FBXW7: variants seen among roughly 807,000 people sequenced by gnomAD.
FBXW7 encodes the protein F-box/WD repeat-containing protein 7.
A neutral mutation model predicts 86.3 loss-of-function variants in FBXW7; 11 were observed. The observed-to-expected ratio is 0.13, with a 90% CI of 0.08 to 0.21. FBXW7 has a LOEUF of 0.21. Ranked by LOEUF, FBXW7 falls within the 10% of genes least tolerant of loss-of-function variation. FBXW7 has a pLI of 1.00. For missense variants in FBXW7, 488 were observed against 847.4 expected, an observed-to-expected ratio of 0.58 and a Z score of 5.27; for synonymous variants, 313 against 297.9, an observed-to-expected ratio of 1.05 and a Z score of -0.52.
intron 5 of FBXW7, among the ~76,000 whole-genome samples, chr4:152,348,182 G>C (rs1731451913): frequency 6.6e-6 from 1 of 150,790 alleles, no homozygotes; most frequent in Non-Finnish European, 1.5e-5. Context: ...GTTAAAAAAT[G>C]TATCTCAGTC....
At chr4:152,368,492 A>G (rs1733701308) in intron 4 of FBXW7, among the ~76,000 whole-genome samples, 1 of 152,048 alleles carries the variant, frequency 6.6e-6, no homozygotes, top group Non-Finnish European at 1.5e-5. Context: ...GTACTAAAGA[A>G]AGGTCTAATT....
chr4:152,480,706 T>A (rs1326953357), intron 2 of FBXW7, among the ~76,000 whole-genome samples: 1 of 152,192 alleles, frequency 6.6e-6, no homozygotes, highest in East Asian at 1.9e-4. Context: ...ACTGCTAATA[T>A]GGACAAAGGT....
At chr4:152,532,448 A>G (rs1750106825) in intron 2 of FBXW7, among the ~76,000 whole-genome samples, 1 of 152,212 alleles carries the variant, frequency 6.6e-6, no homozygotes, top group Admixed American at 6.5e-5. Flanking sequence ...GCTTCTTTGA[A>G]CTGTAATCAT....
At chr4:152,448,964 C>T (rs974139892) in intron 2 of FBXW7, among the ~76,000 whole-genome samples, 2 of 152,214 alleles carry the variant, frequency 1.3e-5, no homozygotes, top group Admixed American at 1.3e-4. Context: ...TTCAGCTCAG[C>T]CTATCCAACC....
chr4:152,493,536 G>A (rs1272344868), intron 2 of FBXW7, among the ~76,000 whole-genome samples: 3 of 152,094 alleles, frequency 2.0e-5, no homozygotes, highest in Non-Finnish European at 4.4e-5. Flanking sequence ...CAAAATTCAC[G>A]TGTTGAAGCC....
chr4:152,413,996 G>C (rs1738216600), intron 2 of FBXW7, among the ~76,000 whole-genome samples: 1 of 152,066 alleles, frequency 6.6e-6, no homozygotes, highest in African/African-American at 2.4e-5. Flanking sequence ...TGCAACCACT[G>C]AATTAACAAA....
At chr4:152,448,960 T>C (rs1741662548) in intron 2 of FBXW7, among the ~76,000 whole-genome samples, 1 of 152,212 alleles carries the variant, frequency 6.6e-6, no homozygotes, top group South Asian at 2.1e-4. Flanking sequence ...CTCCTTCAGC[T>C]CAGCCTATCC....
chr4:152,527,081 A>G (rs1749582901), intron 2 of FBXW7, among the ~76,000 whole-genome samples: 2 of 152,244 alleles, frequency 1.3e-5, no homozygotes, highest in African/African-American at 4.8e-5. Context: ...CAAATGCTAT[A>G]TGCCAGGCAC....
At position 152,379,649 on chromosome 4, in the gene FBXW7, T is replaced by C. The variant is rs569840395; in HGVS notation, c.502-29525A>G. Among the ~76,000 whole-genome samples, 15 of 152,186 alleles carry C rather than the reference T, an allele frequency of 9.9e-5. No homozygotes were observed. The South Asian group carries it at 2.9e-3, about 29-fold the overall frequency. ...TCCTCCTACCTTGGCCCCCAAAGTG[T>C]TGGGATTACAGGCGTGACCCACCAT... On this transcript the variant is annotated intron_variant, in intron 4 of 13. Coordinates refer to ENST00000281708, the MANE Select transcript of FBXW7 (RefSeq NM_001349798.2).
rs764317243 is a variant in FBXW7, at chr4:152,325,991, G to A, written c.1644+15C>T. 1.1e-5 allele frequency: 18 copies of A among 1,599,606 alleles called. No homozygotes were observed. The highest frequency in any genetic ancestry group is 1.7e-5 in the Admixed American group (1 of 59,844). On this transcript the variant is annotated intron_variant, in intron 12 of 13. Transcript: ENST00000281708. Reference sequence around the variant, plus strand: ...TCATCAGGAGAGCATTTAAGGGAGAGATAAGAGATCTTACCTGTAATGAAT... The same window carrying A: ...TCATCAGGAGAGCATTTAAGGGAGAAATAAGAGATCTTACCTGTAATGAAT...
intron 7 of FBXW7, 84 bp downstream of exon 7, chr4:152,337,718 T>C (rs1302990565): frequency 9.4e-6 from 13 of 1,381,030 alleles, no homozygotes; most frequent in Non-Finnish European, 1.2e-5. Context: ...ATACCATAAT[T>C]AGCATGACAA....
chr4:152,529,458 A>C (rs1561005607), intron 2 of FBXW7, among the ~76,000 whole-genome samples: 1 of 152,226 alleles, frequency 6.6e-6, no homozygotes, highest in Non-Finnish European at 1.5e-5. Context: ...AAACTAACTA[A>C]AAAGTGATCA....
intron 2 of FBXW7, among the ~76,000 whole-genome samples, chr4:152,496,562 C>T (rs774311928): frequency 6.8e-4 from 103 of 151,892 alleles, no homozygotes; most frequent in Admixed American, 1.6e-3. Flanking sequence ...CCTGTAATCC[C>T]AGCTACTGGG....
chr4:152,498,295 C>CA (rs11410930), intron 2 of FBXW7, among the ~76,000 whole-genome samples: 67,843 of 150,610 alleles, frequency 0.45, 16,360 homozygotes, highest in African/African-American at 0.63. Context: ...TTTGTCAAGG[C>CA]AAAAAAAAAC....
intron 2 of FBXW7, among the ~76,000 whole-genome samples, chr4:152,496,597 G>C (rs1207281087): frequency 6.6e-6 from 1 of 151,562 alleles, no homozygotes; most frequent in South Asian, 2.1e-4. Flanking sequence ...AAAATCACTC[G>C]AAACAGGGAG....
intron 4 of FBXW7, among the ~76,000 whole-genome samples, chr4:152,389,759 A>C (rs1023209834): frequency 6.6e-6 from 1 of 151,738 alleles, no homozygotes; most frequent in Non-Finnish European, 1.5e-5. Context: ...AATTTATACC[A>C]AAAAAAAGCA....
intron 2 of FBXW7, among the ~76,000 whole-genome samples, chr4:152,463,258 C>T (rs908308168): frequency 6.6e-5 from 10 of 151,692 alleles, no homozygotes; most frequent in Non-Finnish European, 1.0e-4. Context: ...CACTGCACTC[C>T]AGCCTGGGCG....
intron 4 of FBXW7, among the ~76,000 whole-genome samples, chr4:152,398,113 T>C (rs1282876800): frequency 6.6e-6 from 1 of 152,024 alleles, no homozygotes; most frequent in East Asian, 1.9e-4. Flanking sequence ...ACATATTATC[T>C]GACAGTGCAC....
intron 2 of FBXW7, among the ~76,000 whole-genome samples, chr4:152,442,000 A>G (rs1228345611): frequency 6.6e-6 from 1 of 152,220 alleles, no homozygotes; most frequent in East Asian, 1.9e-4. Flanking sequence ...AGAAAAAAGT[A>G]ACCTCAATCG....
Sources: allele counts gnomAD v4.1 joint callset (sites outside exome capture counted in the v4.1 genomes callset), GRCh38; gene constraint gnomAD v4.1.1; transcripts MANE v1.5; gene names NCBI Gene and HGNC (gene_info 2026-07-23, HGNC 2026-07-21).